The following DEUP1 variants were observed in gnomAD, a reference collection of about 807,000 sequenced individuals.
DEUP1 encodes deuterosome assembly protein 1.
DEUP1 carries 82 observed loss-of-function variants against 87.4 expected under a neutral mutation model. The observed-to-expected ratio is 0.94, with a 90% CI of 0.78 to 1.13. DEUP1 has a LOEUF of 1.13. Ranked by LOEUF, DEUP1 falls within the 50% of genes most tolerant of loss-of-function variation. The probability of loss-of-function intolerance (pLI) is 0.00; values close to 1 mark genes in which losing one functional copy is unlikely to be tolerated. For missense variants in DEUP1, 663 were observed against 681.5 expected (o/e 0.97, Z 0.30); for synonymous variants, 214 against 222.7 (o/e 0.96, Z 0.35).
At chr11:93,342,449 T>A (rs117421427) in intron 2 of DEUP1, among the ~76,000 whole-genome samples, 6 of 152,238 alleles carry the variant, frequency 3.9e-5, no homozygotes, top group African/African-American at 1.2e-4. Flanking sequence ...GAGAAGGCAC[T>A]GAGGCAAAGG....
intron 2 of DEUP1, among the ~76,000 whole-genome samples, chr11:93,339,727 T>C (rs7130117): frequency 0.097 from 14,742 of 152,064 alleles, 1,860 homozygotes; most frequent in African/African-American, 0.29. Flanking sequence ...CCTTACACAG[T>C]GTCGGAGGAG....
intron 7 of DEUP1, among the ~76,000 whole-genome samples, chr11:93,379,119 T>A (rs1946180137): frequency 6.6e-6 from 1 of 152,210 alleles, no homozygotes; most frequent in Non-Finnish European, 1.5e-5. Flanking sequence ...CATCAGTTCC[T>A]TTTAATATCC....
At chr11:93,435,432 A>G (rs1368469594) in intron 13 of DEUP1, among the ~76,000 whole-genome samples, 2 of 152,206 alleles carry the variant, frequency 1.3e-5, no homozygotes, top group Admixed American at 6.5e-5. Context: ...TGGAGTCTCA[A>G]CCAGGACTCA....
intron 7 of DEUP1, among the ~76,000 whole-genome samples, chr11:93,378,692 AT>A (rs1370782078): frequency 6.6e-6 from 1 of 151,708 alleles, no homozygotes; most frequent in Admixed American, 6.6e-5. Context: ...GTTCCTTCTT[AT>A]TTGGGTAGAC....
intron 13 of DEUP1, among the ~76,000 whole-genome samples, chr11:93,417,872 T>C (rs1420104623): frequency 3.9e-5 from 6 of 152,014 alleles, no homozygotes; most frequent in Admixed American, 3.3e-4. Flanking sequence ...TCAGAAATAA[T>C]ACCGCATATC....
rs536834008 is a variant in DEUP1, at chr11:93,391,986, G to A, written c.1042-2473G>A. Among the ~76,000 whole-genome samples the A allele has an allele frequency of 1.3e-3, 203 of 152,150 alleles. 1 individual carries two copies. Among genetic ancestry groups the A allele is most frequent in the African/African-American group, 4.6e-3 (193 of 41,506 alleles). ...AAAAATCTGTTAAATGATGAGGTTC[G>A]ATCATGTGATTTCTAAGGTCATATC... On this transcript the variant is annotated intron_variant, in intron 9 of 13. Transcript: ENST00000298050.
At chr11:93,404,819 G>T (rs1370437495) in intron 11 of DEUP1, among the ~76,000 whole-genome samples, 3 of 151,976 alleles carry the variant, frequency 2.0e-5, no homozygotes, top group Non-Finnish European at 1.5e-5. Flanking sequence ...AGAGGTGGGG[G>T]TGGATATATT....
chr11:93,414,881 G>A, intron 12 of DEUP1, 119 bp from the exon 13 acceptor site: 2 of 475,756 alleles, frequency 4.2e-6, no homozygotes, highest in East Asian at 3.2e-5. Context: ...CAGGTAACAA[G>A]CCCAAACATT....
chr11:93,406,688 A>G (rs1591237364), intron 11 of DEUP1, among the ~76,000 whole-genome samples: 1 of 151,944 alleles, frequency 6.6e-6, no homozygotes, highest in Non-Finnish European at 1.5e-5. Context: ...AATCACATGG[A>G]AAACATATTT....
intron 13 of DEUP1, among the ~76,000 whole-genome samples, chr11:93,436,004 A>C (rs1948239082): frequency 6.6e-6 from 1 of 152,050 alleles, no homozygotes; most frequent in Non-Finnish European, 1.5e-5. Context: ...TCAAAAAAAA[A>C]AAAAAAAAAT....
chr11:93,351,525 A>C (rs537723494), intron 2 of DEUP1, among the ~76,000 whole-genome samples: 2 of 152,350 alleles, frequency 1.3e-5, no homozygotes, highest in East Asian at 3.8e-4. Flanking sequence ...AAATCTATTT[A>C]CAGTACAAGG....
chr11:93,348,684 C>G (rs1214906785), intron 2 of DEUP1, among the ~76,000 whole-genome samples: 1 of 152,080 alleles, frequency 6.6e-6, no homozygotes, highest in Non-Finnish European at 1.5e-5. Context: ...TTGACTTTTT[C>G]CCCCACAAAC....
intron 3 of DEUP1, 43 bp downstream of exon 3, chr11:93,355,585 G>GT: frequency 6.7e-7 from 1 of 1,495,276 alleles, no homozygotes; most frequent in Non-Finnish European, 9.1e-7. Flanking sequence ...TCATCAGACT[G>GT]TTACATATAG....
At position 93,412,193 on chromosome 11, in the gene DEUP1, GA is replaced by G. The variant is rs777709746; in HGVS notation, c.1524-2803del. 5.3e-5 allele frequency among the ~76,000 whole-genome samples: 8 copies of G among 152,170 alleles called. No individual in the cohort carries two copies. The South Asian group carries it at 8.3e-4, about 16-fold the overall frequency. The stretch of plus-strand genomic sequence containing the variant: ...CTGGATGTACATGTCCAACAAAGCT[GA>G]AAATTGTGAAGTGTTGACTCAAGTC... On this transcript the variant is annotated intron_variant, in intron 12 of 13. Coordinates refer to ENST00000298050, the MANE Select transcript of DEUP1 (RefSeq NM_181645.4).
intron 9 of DEUP1, among the ~76,000 whole-genome samples, chr11:93,391,707 C>CAA (rs57417014): frequency 3.2e-4 from 25 of 78,028 alleles, no homozygotes; most frequent in Non-Finnish European, 4.7e-4. Context: ...GACTCCATCT[C>CAA]AAAAAAAAAA....
intron 5 of DEUP1, among the ~76,000 whole-genome samples, chr11:93,364,521 G>A (rs1945318195): frequency 6.6e-6 from 1 of 151,078 alleles, no homozygotes; most frequent in Non-Finnish European, 1.5e-5. Flanking sequence ...CAGCATTTTG[G>A]GAGATTAAAA....
chr11:93,356,960 C>T lies in DEUP1; in HGVS notation c.214C>T (p.Arg72Ter), dbSNP rs368065712. The stretch of plus-strand genomic sequence containing the variant: ...ATTCTTCATGCAGGTAGGGTTACTT[C>T]GACAGAAATTGGACAGTCTGGAAAA... ...DQKGQEVGLLRQKLDSLEKCN... is the reference protein window; with the variant it reads ...DQKGQEVGLL The change falls in exon 4 of 14, where the codon CGA becomes TGA. Residue 72 changes from arginine (R) to a stop codon, truncating the protein, a stop_gained. Coordinates refer to ENST00000298050, the MANE Select transcript of DEUP1 (RefSeq NM_181645.4). LOFTEE classifies it high-confidence loss of function. 36 of 1,594,494 alleles carry T rather than the reference C, an allele frequency of 2.3e-5. No individual in the cohort carries two copies. In the Admixed American group the frequency reaches 4.4e-4, roughly 19 times the overall value.
intron 6 of DEUP1, 39 bp downstream of exon 6, chr11:93,370,225 A>C (rs1247862919): frequency 2.4e-5 from 25 of 1,051,656 alleles, no homozygotes; most frequent in Non-Finnish European, 3.6e-5. Flanking sequence ...CAAAAGCAGA[A>C]GTTAAATATT....
chr11:93,354,313 T>C (rs1316577934), intron 2 of DEUP1, among the ~76,000 whole-genome samples: 1 of 152,166 alleles, frequency 6.6e-6, no homozygotes, highest in Non-Finnish European at 1.5e-5. Flanking sequence ...TGGACCTTAT[T>C]GTTCATATCA....
Sources: allele counts gnomAD v4.1 joint callset (sites outside exome capture counted in the v4.1 genomes callset), GRCh38; gene constraint gnomAD v4.1.1; transcripts MANE v1.5; gene names NCBI Gene and HGNC (gene_info 2026-07-23, HGNC 2026-07-21).